Variants in PDZRN4 observed in about 807,000 individuals in gnomAD.
PDZRN4 encodes PDZ domain containing ring finger 4.
A neutral mutation model predicts 99.0 loss-of-function variants in PDZRN4; 70 were observed. That is an observed-to-expected ratio of 0.71 (90% CI 0.58 to 0.86). The LOEUF (loss-of-function observed/expected upper bound fraction) is 0.86. Among genes scored for constraint, PDZRN4 ranks in the 40% least tolerant of loss-of-function variants. PDZRN4 has a pLI of 0.00. For missense variants in PDZRN4, 1,474 were observed against 1,331.2 expected (o/e 1.11, Z -1.67); for synonymous variants, 551 against 501.6 (o/e 1.10, Z -1.32).
intron 5 of PDZRN4, among the ~76,000 whole-genome samples, chr12:41,514,677 C>T (rs1334530395): frequency 6.6e-6 from 1 of 152,034 alleles, no homozygotes. Flanking sequence ...TTGGTGTCTG[C>T]ATGGACCAAC....
intron 3 of PDZRN4, among the ~76,000 whole-genome samples, chr12:41,446,932 T>C (rs1952734169): frequency 6.6e-6 from 1 of 151,796 alleles, no homozygotes; most frequent in Non-Finnish European, 1.5e-5. Context: ...CAGGATGTAT[T>C]GTAAAAGCCA....
chr12:41,428,548 T>G (rs1780208582), intron 3 of PDZRN4, among the ~76,000 whole-genome samples: 1 of 152,204 alleles, frequency 6.6e-6, no homozygotes, highest in African/African-American at 2.4e-5. Context: ...CAGAGTCATG[T>G]TAGCAGAGTT....
intron 3 of PDZRN4, among the ~76,000 whole-genome samples, chr12:41,408,758 T>TTCTCTC (rs150446588): frequency 2.1e-4 from 32 of 149,010 alleles, no homozygotes; most frequent in East Asian, 9.8e-4. Context: ...TCCTAAACAT[T>TTCTCTC]TCTCTCTCTC....
At chr12:41,499,048 A>G (rs117962301) in intron 3 of PDZRN4, among the ~76,000 whole-genome samples, 268 of 152,200 alleles carry the variant, frequency 1.8e-3, no homozygotes, top group Non-Finnish European at 3.6e-3. Context: ...GAGTTAACAT[A>G]AAGAACCTAG....
chr12:41,352,003 A>ATAAATAAATAAATAAT (rs1353968529), intron 3 of PDZRN4, among the ~76,000 whole-genome samples: 2 of 151,700 alleles, frequency 1.3e-5, no homozygotes, highest in Non-Finnish European at 2.9e-5. Context: ...AAATAAATAA[A>ATAAATAAATAAATAAT]TAAAAATTTC....
intron 5 of PDZRN4, among the ~76,000 whole-genome samples, chr12:41,538,160 A>G (rs1938781283): frequency 1.3e-5 from 2 of 152,144 alleles, no homozygotes; most frequent in Non-Finnish European, 2.9e-5. Flanking sequence ...AAGTAACTAT[A>G]TGGTCACAGC....
intron 3 of PDZRN4, among the ~76,000 whole-genome samples, chr12:41,358,927 T>C: frequency 6.6e-6 from 1 of 151,996 alleles, no homozygotes; most frequent in South Asian, 2.1e-4. Flanking sequence ...TCTGAAACAA[T>C]TGGCCTTTAC....
At chr12:41,282,483 G>A (rs1349738858) in intron 3 of PDZRN4, among the ~76,000 whole-genome samples, 3 of 152,076 alleles carry the variant, frequency 2.0e-5, no homozygotes, top group African/African-American at 7.2e-5. Flanking sequence ...AATTAACAAG[G>A]ATATTCGGGA....
intron 3 of PDZRN4, among the ~76,000 whole-genome samples, chr12:41,299,978 G>GT (rs1951523361): frequency 6.6e-6 from 1 of 151,700 alleles, no homozygotes; most frequent in African/African-American, 2.4e-5. Context: ...TTATTCAACT[G>GT]TTTATCTATT....
chr12:41,532,978 A>G (rs181790917), intron 5 of PDZRN4, among the ~76,000 whole-genome samples: 1 of 152,262 alleles, frequency 6.6e-6, no homozygotes, highest in Admixed American at 6.5e-5. Context: ...CATTAGATCA[A>G]CCTGTTAATC....
At chr12:41,317,440 T>A (rs768346269) in intron 3 of PDZRN4, among the ~76,000 whole-genome samples, 3 of 152,078 alleles carry the variant, frequency 2.0e-5, no homozygotes, top group Non-Finnish European at 2.9e-5. Context: ...TCTGCTTTAC[T>A]CAGAGTCTAC....
At chr12:41,191,773 TTTATTTATTTATTTTG>T (rs1222051961) in intron 2 of PDZRN4, among the ~76,000 whole-genome samples, 4 of 18,754 alleles carry the variant, frequency 2.1e-4, no homozygotes, top group Non-Finnish European at 2.3e-4. Flanking sequence ...TATTTATTTA[TTTATTTATTTATTTTG>T]TTTGTTTGTT....
intron 3 of PDZRN4, among the ~76,000 whole-genome samples, chr12:41,342,484 G>A (rs1480796903): frequency 6.6e-6 from 1 of 151,556 alleles, no homozygotes; most frequent in East Asian, 1.9e-4. Flanking sequence ...AATATATAAA[G>A]AACTTAAACA....
intron 3 of PDZRN4, among the ~76,000 whole-genome samples, chr12:41,447,326 T>C (rs1402039247): frequency 1.3e-5 from 2 of 152,068 alleles, no homozygotes; most frequent in African/African-American, 2.4e-5. Flanking sequence ...TAAGACAACA[T>C]GGAAAATAAT....
At position 41,517,316 on chromosome 12, in the gene PDZRN4, G is replaced by A. The variant is rs537170160; in HGVS notation, c.1203+7403G>A. Among the ~76,000 whole-genome samples, 11 of 152,050 alleles carry A rather than the reference G, an allele frequency of 7.2e-5. No individual in the cohort carries two copies. In the East Asian group the frequency reaches 9.7e-4, roughly 13 times the overall value. ...CATATATGACTTTTATCAAAATGCC[G>A]ACATTCAATTTTTGTTTGAAGATAC... On this transcript the variant is annotated intron_variant, in intron 5 of 9. Coordinates refer to ENST00000402685, the MANE Select transcript of PDZRN4 (RefSeq NM_001164595.2).
chr12:41,394,998 T>C (rs1406225148), intron 3 of PDZRN4, among the ~76,000 whole-genome samples: 1 of 152,192 alleles, frequency 6.6e-6, no homozygotes, highest in Admixed American at 6.5e-5. Context: ...GGAAAAAGTA[T>C]GAAATAATTT....
intron 5 of PDZRN4, among the ~76,000 whole-genome samples, chr12:41,531,926 A>T (rs1400585501): frequency 6.6e-6 from 1 of 152,172 alleles, no homozygotes; most frequent in Non-Finnish European, 1.5e-5. Flanking sequence ...GATAAACAAA[A>T]GTTCCTAATT....
chr12:41,346,584 A>G (rs1951856864), intron 3 of PDZRN4, among the ~76,000 whole-genome samples: 1 of 152,168 alleles, frequency 6.6e-6, no homozygotes, highest in Non-Finnish European at 1.5e-5. Context: ...TTAGTGCTCT[A>G]AATTTTAATT....
chr12:41,193,826 C>A (rs1950752555), intron 2 of PDZRN4, among the ~76,000 whole-genome samples: 1 of 152,042 alleles, frequency 6.6e-6, no homozygotes, highest in Non-Finnish European at 1.5e-5. Flanking sequence ...TGCCCTTTCC[C>A]ATAGCTTTTT....
Sources: allele counts gnomAD v4.1 joint callset (sites outside exome capture counted in the v4.1 genomes callset), GRCh38; gene constraint gnomAD v4.1.1; transcripts MANE v1.5; gene names NCBI Gene and HGNC (gene_info 2026-07-23, HGNC 2026-07-21).